The following ATF7IP2 variants were observed in gnomAD, a reference collection of about 807,000 sequenced individuals.
ATF7IP2 encodes activating transcription factor 7 interacting protein 2, also known as activating transcription factor 7-interacting protein 2.
ATF7IP2 carries 42 observed loss-of-function variants against 64.2 expected under a neutral mutation model. The ratio of observed to expected loss-of-function variants is 0.65; its 90% confidence interval spans 0.51 to 0.85. ATF7IP2 has a LOEUF of 0.85. Ranked by LOEUF, ATF7IP2 falls within the 40% of genes least tolerant of loss-of-function variation. ATF7IP2 has a pLI of 0.00. For missense variants in ATF7IP2, 933 were observed against 784.2 expected, an observed-to-expected ratio of 1.19 and a Z score of -2.27; for synonymous variants, 308 against 272.8, an observed-to-expected ratio of 1.13 and a Z score of -1.27.
At chr16:10,430,088 A>G (rs2048196233) in intron 4 of ATF7IP2, among the ~76,000 whole-genome samples, 3 of 151,958 alleles carry the variant, frequency 2.0e-5, no homozygotes, top group Non-Finnish European at 1.5e-5. Flanking sequence ...CCCTTACTGC[A>G]AATAATCCTT....
In ATF7IP2 at chr16:10,438,192, C is replaced by G; in HGVS notation, c.1052C>G (p.Thr351Arg). The G allele has an allele frequency of 1.2e-6, 2 of 1,605,186 alleles. No homozygotes were observed. The highest frequency in any genetic ancestry group is 1.7e-6 in the Non-Finnish European group (2 of 1,176,572). The part of the protein sequence containing the change: ...LKELNQRIGK[T>R]ECRNKHEGIA... ...GAATTGAACCAACGCATTGGGAAGA[C>G]AGAGTGCAGAAATAAGCATGAAGGA... Residue 351 changes from threonine (T) to arginine (R), a missense_variant, in exon 7 of 14, where the codon ACA becomes AGA. Transcript: ENST00000562102.
chr16:10,445,160 AT>A (rs1328419305), intron 8 of ATF7IP2: 3 of 152,232 alleles, frequency 2.0e-5, no homozygotes, highest in Non-Finnish European at 4.4e-5. Context: ...TGCATCACAC[AT>A]AGCTTGGGGT....
intron 8 of ATF7IP2, among the ~76,000 whole-genome samples, chr16:10,452,235 G>T (rs1250202991): frequency 6.6e-6 from 1 of 152,172 alleles, no homozygotes; most frequent in Non-Finnish European, 1.5e-5. Flanking sequence ...TTTTGGGCTG[G>T]TTTCTCCCCA....
chr16:10,416,808 G>T (rs2047889278), intron 2 of ATF7IP2, among the ~76,000 whole-genome samples: 1 of 152,114 alleles, frequency 6.6e-6, no homozygotes, highest in Non-Finnish European at 1.5e-5. Context: ...AAAAAAAGTA[G>T]TTAGAATGAA....
chr16:10,397,026 G>C (rs2047433273), intron 1 of ATF7IP2, among the ~76,000 whole-genome samples: 2 of 152,046 alleles, frequency 1.3e-5, no homozygotes. Flanking sequence ...GTGAGATACT[G>C]CCTAGTTTCT....
chr16:10,415,491 A>C (rs945024073), intron 2 of ATF7IP2, among the ~76,000 whole-genome samples: 1 of 152,228 alleles, frequency 6.6e-6, no homozygotes, highest in African/African-American at 2.4e-5. Flanking sequence ...GGATTGCTTA[A>C]ATCTAAGACC....
At chr16:10,457,556 A>G (rs760154727) in intron 9 of ATF7IP2, 27 bp downstream of exon 9, 1 of 1,479,256 alleles carries the variant, frequency 6.8e-7, no homozygotes, top group Non-Finnish European at 9.1e-7. Context: ...AAATGCATAA[A>G]TTTATCTAAA....
At chr16:10,390,378 TAG>T (rs1567419507) in intron 1 of ATF7IP2, among the ~76,000 whole-genome samples, 1 of 152,210 alleles carries the variant, frequency 6.6e-6, no homozygotes, top group African/African-American at 2.4e-5. Context: ...CAATGCATCT[TAG>T]AGAATATTGG....
intron 5 of ATF7IP2, among the ~76,000 whole-genome samples, chr16:10,432,206 A>ATG (rs2048282643): frequency 2.0e-5 from 3 of 152,112 alleles, no homozygotes; most frequent in Admixed American, 1.3e-4. Context: ...ATATTCACAC[A>ATG]TGTGTATATG....
Position 10,481,973 on chromosome 16 carries a change from C to T in ATF7IP2, c.1773C>T (p.Gly591=). Residue 591 remains glycine (G), a synonymous_variant, in exon 14 of 14, where the codon GGC becomes GGT. Coordinates refer to ENST00000562102, the MANE Select transcript of ATF7IP2 (RefSeq NM_001393719.1). ...TGAAACGGGTTTTCAGACCCAATGG[C>T]ATTGCCCTGACTTGGAATATAACCA... ...LKVKRVFRPN[G]IALTWNITKI... is the part of the protein sequence containing the mutation. 2 of 1,614,082 alleles carry T rather than the reference C, an allele frequency of 1.2e-6. No individual in the cohort carries two copies. The highest frequency in any genetic ancestry group is 1.3e-5 in the African/African-American group (1 of 75,036).
chr16:10,396,118 G>A (rs994505227), intron 1 of ATF7IP2, among the ~76,000 whole-genome samples: 1 of 152,114 alleles, frequency 6.6e-6, no homozygotes, highest in South Asian at 2.1e-4. Flanking sequence ...TACTTGCAAA[G>A]AGGAATCCAA....
At chr16:10,477,805 T>C (rs1295927466) in intron 12 of ATF7IP2, among the ~76,000 whole-genome samples, 1 of 152,088 alleles carries the variant, frequency 6.6e-6, no homozygotes, top group Non-Finnish European at 1.5e-5. Context: ...TTCAGCAAAG[T>C]CTCAGGATAC....
rs1422239045 is a variant in ATF7IP2, at chr16:10,389,803, T to G, written c.-242+3681T>G. ...AGTAATGTCAGAATTCTATTAGCAT[T>G]CAGGTGATGCGGATGCTGCTGGTCT... On this transcript the variant is annotated intron_variant, in intron 1 of 13. Coordinates refer to ENST00000562102, the MANE Select transcript of ATF7IP2 (RefSeq NM_001393719.1). Among the ~76,000 whole-genome samples, 4 of 152,252 alleles carry G rather than the reference T, an allele frequency of 2.6e-5. No individual in the cohort carries two copies. In the East Asian group the frequency reaches 7.7e-4, roughly 29 times the overall value.
At chr16:10,410,800 T>G (rs1343388239) in intron 1 of ATF7IP2, among the ~76,000 whole-genome samples, 2 of 152,182 alleles carry the variant, frequency 1.3e-5, no homozygotes, top group African/African-American at 4.8e-5. Flanking sequence ...TCTTCCTGAT[T>G]TAAATGTTTT....
At chr16:10,439,324 G>A (rs958987814) in intron 7 of ATF7IP2, among the ~76,000 whole-genome samples, 7 of 151,640 alleles carry the variant, frequency 4.6e-5, no homozygotes, top group African/African-American at 1.2e-4. Flanking sequence ...CTGCCTCAGG[G>A]TTCACACCAT....
intron 4 of ATF7IP2, among the ~76,000 whole-genome samples, chr16:10,429,807 ACTT>A (rs2048186524): frequency 7.9e-6 from 1 of 125,788 alleles, no homozygotes; most frequent in Non-Finnish European, 1.7e-5. Flanking sequence ...TATTTATTTT[ACTT>A]CATTTATTTT....
intron 1 of ATF7IP2, among the ~76,000 whole-genome samples, chr16:10,397,068 C>T (rs567621554): frequency 1.3e-5 from 2 of 152,252 alleles, no homozygotes; most frequent in East Asian, 3.9e-4. Flanking sequence ...TACCCAGCAC[C>T]ATTTATCAAA....
intron 8 of ATF7IP2, among the ~76,000 whole-genome samples, chr16:10,454,996 G>A (rs911023162): frequency 2.0e-5 from 3 of 152,088 alleles, no homozygotes; most frequent in Non-Finnish European, 2.9e-5. Context: ...TTTACTTGAC[G>A]AATGTTCCAT....
chr16:10,386,100 C>G lies in ATF7IP2; in HGVS notation c.-264C>G, dbSNP rs1231224693. ...TTCGAAGTGGCTGTGGGTATTGCTGCGGCTGGTGCGTCGTCGCTCTAGGTA... is the reference window on the plus strand; with the variant it reads ...TTCGAAGTGGCTGTGGGTATTGCTGGGGCTGGTGCGTCGTCGCTCTAGGTA... On this transcript the variant is annotated 5_prime_UTR_variant, in exon 1 of 14. Coordinates refer to ENST00000562102, the MANE Select transcript of ATF7IP2 (RefSeq NM_001393719.1). 1 of 152,788 alleles carries G rather than the reference C, an allele frequency of 6.5e-6. No individual in the cohort carries two copies. The highest frequency in any genetic ancestry group is 2.4e-5 in the African/African-American group (1 of 41,468). 9.5% of individuals were successfully genotyped at this position (152,788 alleles called of 1,614,324 possible). A position where few individuals can be genotyped will look rare whatever the true frequency, so the allele number is the denominator to read the frequency against.
Sources: allele counts gnomAD v4.1 joint callset (sites outside exome capture counted in the v4.1 genomes callset), GRCh38; gene constraint gnomAD v4.1.1; transcripts MANE v1.5; gene names NCBI Gene and HGNC (gene_info 2026-07-23, HGNC 2026-07-21).